Variants in DAZAP1 observed in about 807,000 individuals in gnomAD.
DAZAP1 encodes the protein DAZ-associated protein 1.
Under a neutral mutation model 60.1 loss-of-function variants are expected in DAZAP1, and 6 were observed. The observed-to-expected ratio is 0.10, with a 90% CI of 0.05 to 0.20. The LOEUF (loss-of-function observed/expected upper bound fraction) is 0.20. Ranked by LOEUF, DAZAP1 falls within the 10% of genes least tolerant of loss-of-function variation. The probability of loss-of-function intolerance (pLI) is 1.00; values close to 1 mark genes in which losing one functional copy is unlikely to be tolerated. For missense variants in DAZAP1, 366 were observed against 560.4 expected, an observed-to-expected ratio of 0.65 and a Z score of 3.50; for synonymous variants, 235 against 215.9, an observed-to-expected ratio of 1.09 and a Z score of -0.78.
At chr19:1,420,591 G>A (rs964733673) in intron 4 of DAZAP1, among the ~76,000 whole-genome samples, 3 of 152,156 alleles carry the variant, frequency 2.0e-5, no homozygotes, top group African/African-American at 7.2e-5. Flanking sequence ...TGGCCACCCA[G>A]TGAGCGCCGA....
At chr19:1,414,691 G>A (rs1041717321) in intron 1 of DAZAP1, among the ~76,000 whole-genome samples, 2 of 151,738 alleles carry the variant, frequency 1.3e-5, no homozygotes, top group Non-Finnish European at 2.9e-5. Flanking sequence ...AGCTGAGATC[G>A]CGCCACTACA....
rs543811630 is a variant in DAZAP1, at chr19:1,432,169, G to A, written c.872-345G>A. ...CTTCCTAAACATGGGGACTGGGCAT[G>A]GTGGCAGGTTTTTGTCCTTCTGAAA... is the stretch of plus-strand genomic sequence containing the variant. On this transcript the variant is annotated intron_variant, in intron 10 of 11. Coordinates refer to ENST00000233078, the MANE Select transcript of DAZAP1 (RefSeq NM_018959.4). This position sits in a 1 kb window ranked among gnomAD's most constrained non-coding sequence, Gnocchi z 4.9. The A allele has an allele frequency of 3.2e-4, 112 of 346,088 alleles. No individual in the cohort carries two copies. Among genetic ancestry groups the A allele is most frequent in the South Asian group, 3.2e-3 (108 of 33,392 alleles). 21.4% of individuals were successfully genotyped at this position (346,088 alleles called of 1,614,324 possible). A position where few individuals can be genotyped will look rare whatever the true frequency, so the allele number is the denominator to read the frequency against.
chr19:1,409,481 G>A (rs2082762346), intron 1 of DAZAP1, among the ~76,000 whole-genome samples: 1 of 152,216 alleles, frequency 6.6e-6, no homozygotes, highest in African/African-American at 2.4e-5. Flanking sequence ...AAATAGGCTC[G>A]CAGGCCACCC....
At chr19:1,430,547 G>A (rs1000571748) in intron 10 of DAZAP1, among the ~76,000 whole-genome samples, 185 bp downstream of exon 10, 3 of 152,158 alleles carry the variant, frequency 2.0e-5, no homozygotes, top group Non-Finnish European at 2.9e-5. Context: ...CTGTGGCCTC[G>A]CTGGTTAGGC....
In DAZAP1 at chr19:1,433,305, C is replaced by A; in HGVS notation, c.1048+615C>A. ...TCGCCCTGCACTGAGCCAGGAGTCACAGCAGCCTTGCTCAGGACCAACGCG... is the reference window on the plus strand; with the variant it reads ...TCGCCCTGCACTGAGCCAGGAGTCAAAGCAGCCTTGCTCAGGACCAACGCG... On this transcript the variant is annotated intron_variant, in intron 11 of 11. Coordinates refer to ENST00000233078, the MANE Select transcript of DAZAP1 (RefSeq NM_018959.4). This position sits in a 1 kb window ranked among gnomAD's most constrained non-coding sequence, Gnocchi z 6.1. 1 of 221,910 alleles carries A rather than the reference C, an allele frequency of 4.5e-6. No individual in the cohort carries two copies. The highest frequency in any genetic ancestry group is 9.2e-6 in the Non-Finnish European group (1 of 109,174). 13.7% of individuals were successfully genotyped at this position (221,910 alleles called of 1,614,324 possible). A position where few individuals can be genotyped will look rare whatever the true frequency, so the allele number is the denominator to read the frequency against.
At chr19:1,431,812 C>T (rs1362697967) in intron 10 of DAZAP1, among the ~76,000 whole-genome samples, 1 of 152,190 alleles carries the variant, frequency 6.6e-6, no homozygotes, top group African/African-American at 2.4e-5. Context: ...TCACAGCACG[C>T]AGCCAGCAGG....
Position 1,407,811 on chromosome 19 carries a change from G to C in DAZAP1, c.29+9G>C, listed in dbSNP as rs897639118. ...GGCGCCGACGAGATCGGGTGAGGAC[G>C]AGCGGCGCGGGCCTGCGTCTCCGCC... On this transcript the variant is annotated intron_variant, in intron 1 of 11. Transcript: ENST00000233078. 5 of 1,072,192 alleles carry C rather than the reference G, an allele frequency of 4.7e-6. No individual in the cohort carries two copies. The African/African-American group carries it at 8.5e-5, about 18-fold the overall frequency. 66.4% of individuals were successfully genotyped at this position (1,072,192 alleles called of 1,614,324 possible). A position where few individuals can be genotyped will look rare whatever the true frequency, so the allele number is the denominator to read the frequency against.
At chr19:1,412,211 G>GA (rs1487688496) in intron 1 of DAZAP1, among the ~76,000 whole-genome samples, 1 of 152,178 alleles carries the variant, frequency 6.6e-6, no homozygotes, top group Non-Finnish European at 1.5e-5. Context: ...GCGTGGGCTG[G>GA]AGGGGGGGCA....
In DAZAP1 at chr19:1,417,556, G is replaced by A. The variant is rs374749295; in HGVS notation, c.70+16G>A. ...ACGACCCAAGGTAGGTGGGGAAGGG[G>A]TGTCAGGTGGGTACTGCAGATGGGC... On this transcript the variant is annotated intron_variant, in intron 2 of 11. Transcript: ENST00000233078. The A allele has an allele frequency of 3.6e-5, 57 of 1,601,008 alleles. No individual in the cohort carries two copies. In the African/African-American group the frequency reaches 5.1e-4, roughly 14 times the overall value.
At position 1,421,152 on chromosome 19, in the gene DAZAP1, A is replaced by G; in HGVS notation, c.308A>G (p.Lys103Arg). ...TATCCTTCCCTTCTTCAACAGCAGA[A>G]AGGACCCAGGAGCGATAACAGTAAA... ...ERTRPKEGWQKGPRSDNSKSN... is the reference protein window; with the variant it reads ...ERTRPKEGWQRGPRSDNSKSN... The change falls in exon 5 of 12, where the codon AAA becomes AGA. Residue 103 changes from lysine to arginine, a missense_variant. Coordinates refer to ENST00000233078, the MANE Select transcript of DAZAP1 (RefSeq NM_018959.4). 1.2e-6 allele frequency: 2 copies of G among 1,614,054 alleles called. No homozygotes were observed. The highest frequency in any genetic ancestry group is 1.7e-6 in the Non-Finnish European group (2 of 1,179,916).
Position 1,434,687 on chromosome 19 carries a change from G to T in DAZAP1, c.1049-50G>T. On this transcript the variant is annotated intron_variant, in intron 11 of 11. Coordinates refer to ENST00000233078, the MANE Select transcript of DAZAP1 (RefSeq NM_018959.4). This position sits in a 1 kb window ranked among gnomAD's most constrained non-coding sequence, Gnocchi z 8.0. ...GTCCAGGTGGCCTCGCTCGACGGCAGTGCCAACCGCCCAGGGACCGCCCCG... is the reference window on the plus strand; with the variant it reads ...GTCCAGGTGGCCTCGCTCGACGGCATTGCCAACCGCCCAGGGACCGCCCCG... The T allele has an allele frequency of 6.2e-7, 1 of 1,600,426 alleles. No homozygotes were observed. Among genetic ancestry groups the T allele is most frequent in the East Asian group, 2.3e-5 (1 of 43,738 alleles).
In DAZAP1 at chr19:1,432,253, G is replaced by C. The variant is rs560592691; in HGVS notation, c.872-261G>C. 1.2e-3 allele frequency: 622 copies of C among 535,578 alleles called. 4 individuals are homozygous for C. The highest frequency in any genetic ancestry group is 2.3e-3 in the South Asian group (100 of 43,620). The allele number at this position is 535,578 out of a possible 1,614,324, so 33.2% of individuals were successfully genotyped here. On this transcript the variant is annotated intron_variant, in intron 10 of 11. Transcript: ENST00000233078. This position sits in a 1 kb window ranked among gnomAD's most constrained non-coding sequence, Gnocchi z 4.9. ...AGTTCTTGTCTGAGGCCCACCTGGC[G>C]GCTGCTCCGTGAGGAACGAGGTGGC... is the stretch of plus-strand genomic sequence containing the variant.
intron 4 of DAZAP1, 34 bp from the exon 5 acceptor site, chr19:1,421,114 C>T (rs549477640): frequency 1.6e-5 from 26 of 1,600,870 alleles, no homozygotes; most frequent in African/African-American, 5.3e-5. Flanking sequence ...GGAGGGTTCC[C>T]GTGTGAACTA....
At chr19:1,431,026 G>T (rs1238002388) in intron 10 of DAZAP1, among the ~76,000 whole-genome samples, 1 of 151,606 alleles carries the variant, frequency 6.6e-6, no homozygotes, top group Non-Finnish European at 1.5e-5. Context: ...CAGCCTCACA[G>T]GCTCTAATTC....
rs965881043 is a variant in DAZAP1 at position 1,428,025 on chromosome 19, A to G, written c.547-817A>G. The G allele has an allele frequency of 3.3e-5, 5 of 152,348 alleles. No homozygotes were observed. In the South Asian group the frequency reaches 8.3e-4, roughly 25 times the overall value. The allele number at this position is 152,348 out of a possible 1,614,324, so 9.4% of individuals were successfully genotyped here. On this transcript the variant is annotated intron_variant, in intron 7 of 11. Coordinates refer to ENST00000233078, the MANE Select transcript of DAZAP1 (RefSeq NM_018959.4). The surrounding 1 kb of genome is among the most constrained non-coding windows in gnomAD (Gnocchi z 4.0). The stretch of plus-strand genomic sequence containing the variant: ...AGTCCACCCATATTTTCAAGCAGGC[A>G]TTAAAGGAAGGTCAGCCACTGCGCC...
In DAZAP1 at chr19:1,422,042, G is replaced by A. The variant is rs758789834; in HGVS notation, c.415-306G>A. Reference sequence around the variant, plus strand: ...ACGTCCCCTGCTAGGATGCGTGGTCGGCGTTGTTGGCCCTTCATGTCCGTC... The same window carrying A: ...ACGTCCCCTGCTAGGATGCGTGGTCAGCGTTGTTGGCCCTTCATGTCCGTC... On this transcript the variant is annotated intron_variant, in intron 5 of 11. Coordinates refer to ENST00000233078, the MANE Select transcript of DAZAP1 (RefSeq NM_018959.4). This position sits in a 1 kb window ranked among gnomAD's most constrained non-coding sequence, Gnocchi z 4.5. Among the ~76,000 whole-genome samples the A allele has an allele frequency of 2.0e-5, 3 of 152,208 alleles. No individual in the cohort carries two copies. Among genetic ancestry groups the A allele is most frequent in the Non-Finnish European group, 2.9e-5 (2 of 68,028 alleles).
At chr19:1,413,078 C>T (rs890639511) in intron 1 of DAZAP1, among the ~76,000 whole-genome samples, 5 of 152,188 alleles carry the variant, frequency 3.3e-5, no homozygotes, top group Admixed American at 6.5e-5. Flanking sequence ...CCACATTGCT[C>T]ACCGACCCCT....
intron 1 of DAZAP1, among the ~76,000 whole-genome samples, chr19:1,408,168 C>T (rs1444009863): frequency 6.6e-6 from 1 of 151,824 alleles, no homozygotes; most frequent in Non-Finnish European, 1.5e-5. Context: ...ACTGCGCGTC[C>T]TGAGGGACCC....
Position 1,434,098 on chromosome 19 carries a change from C to T in DAZAP1, c.1049-639C>T. On this transcript the variant is annotated intron_variant, in intron 11 of 11. Coordinates refer to ENST00000233078, the MANE Select transcript of DAZAP1 (RefSeq NM_018959.4). The surrounding 1 kb of genome is among the most constrained non-coding windows in gnomAD (Gnocchi z 8.0). ...AGGTGTGCAGCGGGGTGGGGAGCGG[C>T]GTGAGCAGCTCTGTCCTTGTAAAGA... 5.9e-6 allele frequency: 3 copies of T among 509,824 alleles called. No homozygotes were observed. The highest frequency in any genetic ancestry group is 1.1e-5 in the Non-Finnish European group (3 of 281,344). The allele number at this position is 509,824 out of a possible 1,614,324, so 31.6% of individuals were successfully genotyped here.
Sources: allele counts gnomAD v4.1 joint callset (sites outside exome capture counted in the v4.1 genomes callset), GRCh38; gene constraint gnomAD v4.1.1; non-coding constraint Gnocchi (gnomAD v3.1); transcripts MANE v1.5; gene names NCBI Gene and HGNC (gene_info 2026-07-23, HGNC 2026-07-21).